MYLK: variants seen among roughly 807,000 people sequenced by gnomAD.
The protein encoded by MYLK is myosin light chain kinase.
MYLK carries 106 observed loss-of-function variants against 203.4 expected under a neutral mutation model. The ratio of observed to expected loss-of-function variants is 0.52; its 90% CI spans 0.45 to 0.61. The LOEUF (loss-of-function observed/expected upper bound fraction) is 0.61. Ranked by LOEUF, MYLK falls within the 20% of genes least tolerant of loss-of-function variation. The probability of loss-of-function intolerance (pLI) is 0.00; values close to 1 mark genes in which losing one functional copy is unlikely to be tolerated. For synonymous variants in MYLK, 867 were observed against 959.5 expected (o/e 0.90, Z 1.78); for missense variants, 2,072 against 2,442.3 (o/e 0.85, Z 3.20).
chr3:123,670,034 C>CAA lies in MYLK; in HGVS notation c.3653-2849_3653-2848dup, dbSNP rs57445681. 7.7e-3 allele frequency among the ~76,000 whole-genome samples: 273 copies of CAA among 35,410 alleles called. 1 individual carries two copies. Among genetic ancestry groups the CAA allele is most frequent in the East Asian group, 0.014 (24 of 1,698 alleles). The allele number at this position is 35,410 out of a possible 152,430, so 23.2% of individuals were successfully genotyped here. On this transcript the variant is annotated intron_variant, in intron 20 of 33. Transcript: ENST00000360304. ...TGGGTGACAGAGCGAGACTCCATCTCAAAAAAAAAAAAAAAAAAAAAAGCA... is the reference window on the plus strand; with the variant it reads ...TGGGTGACAGAGCGAGACTCCATCTCAAAAAAAAAAAAAAAAAAAAAAAAGCA...
intron 24 of MYLK, among the ~76,000 whole-genome samples, chr3:123,654,706 TTTAA>T (rs1179574207): frequency 1.3e-5 from 2 of 151,212 alleles, no homozygotes; most frequent in Admixed American, 6.6e-5. Context: ...TCCTATATTC[TTTAA>T]TTCTTTTTTT....
chr3:123,729,454 TA>T (rs2062402477), intron 11 of MYLK, among the ~76,000 whole-genome samples: 1 of 152,064 alleles, frequency 6.6e-6, no homozygotes, highest in African/African-American at 2.4e-5. Flanking sequence ...AACTCAACAA[TA>T]AAAAAGTAAA....
At chr3:123,852,274 G>A (rs1400683455) in intron 2 of MYLK, among the ~76,000 whole-genome samples, 4 of 152,150 alleles carry the variant, frequency 2.6e-5, no homozygotes, top group African/African-American at 9.7e-5. Context: ...GAGTTAGGGA[G>A]GATTCCCTCT....
At chr3:123,636,980 C>A (rs1400620606) in intron 29 of MYLK, among the ~76,000 whole-genome samples, 1 of 152,210 alleles carries the variant, frequency 6.6e-6, no homozygotes, top group East Asian at 1.9e-4. Context: ...GCTTTTATAA[C>A]ACTGGTTTCT....
At chr3:123,764,192 G>C (rs1463635025) in intron 4 of MYLK, among the ~76,000 whole-genome samples, 1 of 152,138 alleles carries the variant, frequency 6.6e-6, no homozygotes, top group Non-Finnish European at 1.5e-5. Flanking sequence ...GTTTCCTGCA[G>C]TCTTCTGTTT....
At chr3:123,854,710 A>G (rs770718063) in intron 2 of MYLK, among the ~76,000 whole-genome samples, 29 of 152,196 alleles carry the variant, frequency 1.9e-4, no homozygotes, top group Admixed American at 6.5e-5. Context: ...CTCACAATAT[A>G]TTCTTGTAAT....
chr3:123,854,480 T>C (rs2031168750), intron 2 of MYLK, among the ~76,000 whole-genome samples: 1 of 152,154 alleles, frequency 6.6e-6, no homozygotes. Flanking sequence ...CAAATAAATA[T>C]AAATATATTT....
At chr3:123,693,356 G>T (rs896786091) in intron 18 of MYLK, 22 of 181,596 alleles carry the variant, frequency 1.2e-4, no homozygotes, top group Non-Finnish European at 1.2e-4. Flanking sequence ...CAAAGAAGTG[G>T]GTGGAGGAGG....
At chr3:123,646,946 G>C in intron 27 of MYLK, 1 of 515,170 alleles carries the variant, frequency 1.9e-6, no homozygotes, top group Non-Finnish European at 3.5e-6. Flanking sequence ...ATGAGGGCGA[G>C]AAAGACACCA....
chr3:123,655,524 G>A (rs190371143), intron 24 of MYLK, among the ~76,000 whole-genome samples: 9 of 152,126 alleles, frequency 5.9e-5, no homozygotes, highest in Admixed American at 1.3e-4. Context: ...ACCTTCCCTC[G>A]GCTAGCCCTT....
Position 123,613,950 on chromosome 3 carries a change from C to T in MYLK, c.*155G>A, listed in dbSNP as rs2057320356. 4 of 857,882 alleles carry T rather than the reference C, an allele frequency of 4.7e-6. No individual in the cohort carries two copies. Among genetic ancestry groups the T allele is most frequent in the Non-Finnish European group, 1.9e-6 (1 of 535,378 alleles). The allele number at this position is 857,882 out of a possible 1,614,324, so 53.1% of individuals were successfully genotyped here. ...GCCCATCAATAACGCTGCTAGGTAT[C>T]AACTGCTGTTTCTGAAGAATCAACC... On this transcript the variant is annotated 3_prime_UTR_variant, in exon 34 of 34. Coordinates refer to ENST00000360304, the MANE Select transcript of MYLK (RefSeq NM_053025.4).
At chr3:123,866,080 C>G (rs1386747576) in intron 2 of MYLK, among the ~76,000 whole-genome samples, 1 of 152,212 alleles carries the variant, frequency 6.6e-6, no homozygotes, top group Non-Finnish European at 1.5e-5. Context: ...AAGCCCCTAG[C>G]TGTTTGAGTC....
chr3:123,843,041 G>A (rs1190368776), intron 2 of MYLK, among the ~76,000 whole-genome samples: 1 of 152,150 alleles, frequency 6.6e-6, no homozygotes, highest in Non-Finnish European at 1.5e-5. Flanking sequence ...ATGATCTTCG[G>A]ATAGTGTGGA....
At chr3:123,856,884 C>T (rs1045310056) in intron 2 of MYLK, among the ~76,000 whole-genome samples, 7 of 151,826 alleles carry the variant, frequency 4.6e-5, no homozygotes, top group Non-Finnish European at 5.9e-5. Context: ...ATAAAATTTT[C>T]GCAACCTACT....
chr3:123,821,577 A>G (rs538598656), intron 3 of MYLK, among the ~76,000 whole-genome samples: 78 of 152,126 alleles, frequency 5.1e-4, no homozygotes, highest in Non-Finnish European at 8.4e-4. Flanking sequence ...CTAGGGGTCC[A>G]CCTTCATCCC....
intron 3 of MYLK, among the ~76,000 whole-genome samples, chr3:123,824,327 T>C (rs1553858507): frequency 6.6e-6 from 1 of 152,200 alleles, no homozygotes; most frequent in Non-Finnish European, 1.5e-5. Flanking sequence ...TGACCTCAGG[T>C]GATCCATCCG....
At chr3:123,813,077 T>C (rs1284420020) in intron 3 of MYLK, among the ~76,000 whole-genome samples, 1 of 152,160 alleles carries the variant, frequency 6.6e-6, no homozygotes, top group Non-Finnish European at 1.5e-5. Context: ...CAGCAGGAAG[T>C]AAACAGAGCC....
intron 4 of MYLK, among the ~76,000 whole-genome samples, chr3:123,783,400 T>C (rs1031772104): frequency 1.3e-5 from 2 of 152,192 alleles, no homozygotes; most frequent in Admixed American, 6.6e-5. Flanking sequence ...TTTAAGGTAT[T>C]TTGATTTCCA....
chr3:123,648,468 T>A lies in MYLK; in HGVS notation c.4415+503A>T, dbSNP rs186637276. On this transcript the variant is annotated intron_variant, in intron 26 of 33. Coordinates refer to ENST00000360304, the MANE Select transcript of MYLK (RefSeq NM_053025.4). This position sits in a 1 kb window ranked among gnomAD's most constrained non-coding sequence, Gnocchi z 4.5. ...CCAGTCCTCTCATTTTATTTTATTT[T>A]AAAAATTATTTTATTTTATTGTTTT... is the stretch of plus-strand genomic sequence containing the variant. Among the ~76,000 whole-genome samples the A allele has an allele frequency of 1.3e-5, 2 of 152,356 alleles. No individual in the cohort carries two copies. The highest frequency in any genetic ancestry group is 2.9e-5 in the Non-Finnish European group (2 of 68,038).
Sources: allele counts gnomAD v4.1 joint callset (sites outside exome capture counted in the v4.1 genomes callset), GRCh38; gene constraint gnomAD v4.1.1; non-coding constraint Gnocchi (gnomAD v3.1); transcripts MANE v1.5; gene names NCBI Gene and HGNC (gene_info 2026-07-23, HGNC 2026-07-21).